Variants in ZFHX3 observed in about 807,000 individuals in gnomAD.
ZFHX3 encodes the protein zinc finger homeobox 3, also known as zinc finger homeobox protein 3.
Under a neutral mutation model 279.1 loss-of-function variants are expected in ZFHX3, and 42 were observed. That is an observed-to-expected ratio of 0.15 (90% CI 0.12 to 0.19). ZFHX3 has a LOEUF of 0.19. Ranked by LOEUF, ZFHX3 falls within the 10% of genes least tolerant of loss-of-function variation. ZFHX3 has a pLI of 1.00. For missense variants in ZFHX3, 4,981 were observed against 4,754.0 expected (o/e 1.05, Z -1.40); for synonymous variants, 2,293 against 1,957.8 (o/e 1.17, Z -4.52).
intron 3 of ZFHX3, among the ~76,000 whole-genome samples, chr16:73,349,949 A>G (rs953997566): frequency 1.6e-5 from 2 of 121,380 alleles, no homozygotes; most frequent in Non-Finnish European, 3.3e-5. Context: ...CCCCCTTTCC[A>G]TGGATCCTTG....
At chr16:73,375,216 T>A (rs147582371) in intron 3 of ZFHX3, among the ~76,000 whole-genome samples, 1 of 152,250 alleles carries the variant, frequency 6.6e-6, no homozygotes, top group Non-Finnish European at 1.5e-5. Context: ...ACATATTTGA[T>A]CTGTGCATTT....
At chr16:73,721,048 G>A (rs1247433678) in intron 1 of ZFHX3, among the ~76,000 whole-genome samples, 1 of 152,168 alleles carries the variant, frequency 6.6e-6, no homozygotes, top group Non-Finnish European at 1.5e-5. Flanking sequence ...ATGCTTCTGG[G>A]CAGGGTCTAT....
intron 3 of ZFHX3, among the ~76,000 whole-genome samples, chr16:73,388,409 T>C (rs952728307): frequency 2.0e-5 from 3 of 152,196 alleles, no homozygotes; most frequent in Non-Finnish European, 4.4e-5. Context: ...CCCAAGAAAC[T>C]TAGAATTTAC....
intron 1 of ZFHX3, among the ~76,000 whole-genome samples, chr16:73,009,161 A>G: frequency 6.6e-6 from 1 of 152,152 alleles, no homozygotes. Context: ...TTGTGCTTAT[A>G]AGCATCATAC....
intron 1 of ZFHX3, among the ~76,000 whole-genome samples, chr16:73,016,454 TACG>T (rs1324374502): frequency 6.6e-6 from 1 of 152,072 alleles, no homozygotes; most frequent in African/African-American, 2.4e-5. Flanking sequence ...TTGTGAAAGA[TACG>T]ACTTTGAATA....
At chr16:73,506,229 T>C (rs2019323845) in intron 2 of ZFHX3, among the ~76,000 whole-genome samples, 1 of 152,198 alleles carries the variant, frequency 6.6e-6, no homozygotes, top group African/African-American at 2.4e-5. Flanking sequence ...AGCAAGTTTA[T>C]CTATCTTTCC....
At chr16:73,688,381 T>C (rs548029036) in intron 1 of ZFHX3, among the ~76,000 whole-genome samples, 17 of 148,848 alleles carry the variant, frequency 1.1e-4, no homozygotes, top group African/African-American at 4.2e-4. Context: ...AAAAATTGTA[T>C]CTTGAAATTT....
At chr16:73,055,694 G>GCACACACACACACA (rs753027373) in intron 1 of ZFHX3, among the ~76,000 whole-genome samples, 1,573 of 138,000 alleles carry the variant, frequency 0.011, 17 homozygotes, top group East Asian at 0.024. Context: ...GCGCGCGCGC[G>GCACACACACACACA]CGCGCACACA....
At chr16:73,634,459 T>A (rs376970022) in intron 2 of ZFHX3, among the ~76,000 whole-genome samples, 47 of 101,100 alleles carry the variant, frequency 4.6e-4, no homozygotes, top group South Asian at 1.0e-3. Flanking sequence ...TATATATATA[T>A]ATAAAATATA....
At chr16:73,185,420 G>A (rs1967889065) in intron 5 of ZFHX3, among the ~76,000 whole-genome samples, 1 of 152,244 alleles carries the variant, frequency 6.6e-6, no homozygotes, top group South Asian at 2.1e-4. Flanking sequence ...AGAGCAAAGG[G>A]CGGAACCCAA....
At chr16:73,367,822 C>T (rs996239048) in intron 3 of ZFHX3, among the ~76,000 whole-genome samples, 10 of 151,320 alleles carry the variant, frequency 6.6e-5, no homozygotes, top group African/African-American at 1.7e-4. Flanking sequence ...GATACAAGCA[C>T]GTAGTAGGTC....
intron 7 of ZFHX3, among the ~76,000 whole-genome samples, chr16:73,098,315 G>A (rs909722877): frequency 1.3e-5 from 2 of 151,804 alleles, no homozygotes; most frequent in African/African-American, 2.4e-5. Context: ...TGATCCACCC[G>A]TCACAGCCTT....
intron 1 of ZFHX3, among the ~76,000 whole-genome samples, chr16:73,738,637 GA>G (rs924987489): frequency 2.0e-4 from 30 of 152,184 alleles, no homozygotes; most frequent in Non-Finnish European, 3.5e-4. Flanking sequence ...CACGGTATAA[GA>G]AAAGGGGACG....
intron 5 of ZFHX3, among the ~76,000 whole-genome samples, chr16:73,220,770 G>T (rs546659819): frequency 6.6e-6 from 1 of 152,114 alleles, no homozygotes; most frequent in Admixed American, 6.5e-5. Context: ...GTGTGTGTGT[G>T]TGTGTGTTTG....
intron 1 of ZFHX3, among the ~76,000 whole-genome samples, chr16:72,979,241 G>C (rs1251961298): frequency 1.3e-5 from 2 of 152,216 alleles, no homozygotes; most frequent in Non-Finnish European, 2.9e-5. Flanking sequence ...TGGAACCACA[G>C]GTGGGCTTCT....
chr16:73,741,988 G>A (rs1375021075), intron 1 of ZFHX3, among the ~76,000 whole-genome samples: 1 of 152,122 alleles, frequency 6.6e-6, no homozygotes, highest in Non-Finnish European at 1.5e-5. Context: ...TAAACCAGAA[G>A]TCCAGCTATT....
intron 2 of ZFHX3, among the ~76,000 whole-genome samples, chr16:73,503,732 G>C (rs1035940937): frequency 2.0e-5 from 3 of 152,168 alleles, no homozygotes; most frequent in Non-Finnish European, 2.9e-5. Context: ...ACGTGGGGGA[G>C]GCTTCCTCCA....
At chr16:73,752,564 T>A (rs1221868956) in intron 1 of ZFHX3, among the ~76,000 whole-genome samples, 4 of 152,180 alleles carry the variant, frequency 2.6e-5, no homozygotes, top group Non-Finnish European at 5.9e-5. Context: ...CCATGTTTCA[T>A]CTTTTGGCAG....
intron 1 of ZFHX3, among the ~76,000 whole-genome samples, chr16:73,882,682 G>A (rs1164676020): frequency 2.0e-5 from 3 of 151,848 alleles, no homozygotes; most frequent in Admixed American, 6.6e-5. Flanking sequence ...CATCAACCAC[G>A]ATTGAATGAA....
Sources: gnomAD v4.1 joint callset for allele counts (sites outside exome capture counted in the v4.1 genomes callset) on GRCh38, gnomAD v4.1.1 for gene constraint, MANE v1.5 for transcripts, NCBI Gene and HGNC (gene_info 2026-07-23, HGNC 2026-07-21) for gene names.